FSTL1: variants seen among roughly 807,000 people sequenced by gnomAD.
The protein encoded by FSTL1 is follistatin-related protein 1.
FSTL1 carries 24 observed loss-of-function variants against 45.9 expected under a neutral mutation model. The ratio of observed to expected loss-of-function variants is 0.52; its 90% confidence interval spans 0.38 to 0.74. FSTL1 has a LOEUF of 0.74. FSTL1 is among the 30% of genes least tolerant of loss of function. FSTL1 has a pLI of 0.00. For missense variants in FSTL1, 340 were observed against 381.8 expected (o/e 0.89, Z 0.91); for synonymous variants, 120 against 137.6 (o/e 0.87, Z 0.89).
chr3:120,416,072 C>A, intron 2 of FSTL1, 45 bp from the exon 3 acceptor site: 1 of 1,324,770 alleles, frequency 7.5e-7, no homozygotes, highest in Non-Finnish European at 1.1e-6. Flanking sequence ...TGAGATGAAC[C>A]CATTATGGAA....
At chr3:120,428,487 C>T (rs1278373809) in intron 2 of FSTL1, among the ~76,000 whole-genome samples, 3 of 152,148 alleles carry the variant, frequency 2.0e-5, no homozygotes, top group African/African-American at 7.2e-5. Context: ...AATCCCAGCC[C>T]TCTGGGAGGC....
intron 2 of FSTL1, among the ~76,000 whole-genome samples, chr3:120,439,502 G>C (rs874479): frequency 3.3e-5 from 5 of 152,074 alleles, no homozygotes; most frequent in African/African-American, 1.2e-4. Flanking sequence ...CAAAAACTTT[G>C]CAAGAGTCTA....
Position 120,416,001 on chromosome 3 carries a change from G to C in FSTL1, c.90C>G (p.Ile30Met), listed in dbSNP as rs144535310. 1.1e-5 allele frequency: 18 copies of C among 1,613,730 alleles called. No homozygotes were observed. The African/African-American group carries it at 1.7e-4, about 16-fold the overall frequency. Residue 30 changes from isoleucine to methionine, a missense_variant, in exon 3 of 11, where the codon ATC (isoleucine) becomes ATG (methionine). By Grantham distance (10) the Ile-to-Met change is conservative (BLOSUM62 1). Transcript: ENST00000295633. ...AEEELRSKSKICANVFCGAGR... is the reference protein window; with the variant it reads ...AEEELRSKSKMCANVFCGAGR... ...CGGCTCCACAAAACACATTGGCACA[G>C]ATCTTGGATTTGCTCCTTAGCTCTT...
intron 2 of FSTL1, chr3:120,423,249 C>T (rs1265914026): frequency 6.6e-6 from 1 of 151,944 alleles, no homozygotes; most frequent in African/African-American, 2.4e-5. Context: ...ACACGGAAGC[C>T]TCTCTCCTTC....
chr3:120,424,000 G>A (rs1413980805), intron 2 of FSTL1: 1 of 152,234 alleles, frequency 6.6e-6, no homozygotes, highest in African/African-American at 2.4e-5. Context: ...AATGTAGAGA[G>A]TATAAATCCT....
chr3:120,399,754 A>G (rs768872911), intron 10 of FSTL1, 129 bp downstream of exon 10: 62 of 641,454 alleles, frequency 9.7e-5, no homozygotes, highest in Non-Finnish European at 1.5e-4. Context: ...GTGATGGGGT[A>G]TCACTCAAGA....
intron 2 of FSTL1, among the ~76,000 whole-genome samples, chr3:120,436,353 T>C (rs1520881): frequency 0.58 from 88,483 of 152,038 alleles, 28,844 homozygotes; most frequent in East Asian, 0.75. Flanking sequence ...ACTCAAAACA[T>C]TTCCCAGTCC....
At chr3:120,429,829 C>T (rs1017720845) in intron 2 of FSTL1, among the ~76,000 whole-genome samples, 4 of 152,208 alleles carry the variant, frequency 2.6e-5, no homozygotes, top group African/African-American at 9.6e-5. Context: ...ATCCTTCCAA[C>T]TACTCCTCTA....
At chr3:120,397,131 C>T (rs1295799283) in intron 10 of FSTL1, 135 bp from the exon 11 acceptor site, 1 of 755,038 alleles carries the variant, frequency 1.3e-6, no homozygotes, top group African/African-American at 1.7e-5. Flanking sequence ...TCGGGCTCCT[C>T]CACGGACAAT....
At chr3:120,415,490 T>C (rs1937171762) in intron 3 of FSTL1, among the ~76,000 whole-genome samples, 1 of 152,170 alleles carries the variant, frequency 6.6e-6, no homozygotes, top group African/African-American at 2.4e-5. Context: ...ATGATCCCAT[T>C]TTTGCATAAA....
chr3:120,442,494 G>C (rs916085480), intron 2 of FSTL1, among the ~76,000 whole-genome samples: 6 of 152,194 alleles, frequency 3.9e-5, no homozygotes, highest in African/African-American at 1.4e-4. Flanking sequence ...AAAAGACAGA[G>C]TTAGGCCTGG....
At chr3:120,412,289 A>G (rs1450967592) in intron 3 of FSTL1, among the ~76,000 whole-genome samples, 1 of 152,254 alleles carries the variant, frequency 6.6e-6, no homozygotes, top group Non-Finnish European at 1.5e-5. Context: ...TTGATACTTA[A>G]TCCACAATGC....
intron 2 of FSTL1, among the ~76,000 whole-genome samples, chr3:120,427,024 C>T (rs1937394811): frequency 6.6e-6 from 1 of 152,176 alleles, no homozygotes; most frequent in Non-Finnish European, 1.5e-5. Flanking sequence ...GAAATGAGAA[C>T]TCATTAGCCT....
At chr3:120,404,677 G>A (rs1936911822) in intron 7 of FSTL1, among the ~76,000 whole-genome samples, 176 bp downstream of exon 7, 1 of 152,144 alleles carries the variant, frequency 6.6e-6, no homozygotes, top group African/African-American at 2.4e-5. Context: ...GATATCAGTG[G>A]TACTCAATAT....
At chr3:120,424,888 A>ACAT (rs1298629323) in intron 2 of FSTL1, among the ~76,000 whole-genome samples, 4 of 152,054 alleles carry the variant, frequency 2.6e-5, no homozygotes, top group Non-Finnish European at 5.9e-5. Context: ...GGACAGTGAA[A>ACAT]CATCCCACCG....
intron 7 of FSTL1, among the ~76,000 whole-genome samples, chr3:120,403,917 T>G (rs1576208250): frequency 3.3e-5 from 1 of 30,512 alleles, no homozygotes; most frequent in Non-Finnish European, 5.8e-5. Flanking sequence ...CGAGACTCCG[T>G]CTCAAAAAAA....
intron 9 of FSTL1, among the ~76,000 whole-genome samples, chr3:120,400,261 C>G (rs755768391): frequency 2.0e-5 from 3 of 152,178 alleles, no homozygotes; most frequent in Non-Finnish European, 2.9e-5. Flanking sequence ...AACTTGGATC[C>G]TGACACTGGA....
At chr3:120,414,006 C>T (rs1937131091) in intron 3 of FSTL1, among the ~76,000 whole-genome samples, 2 of 151,926 alleles carry the variant, frequency 1.3e-5, no homozygotes, top group African/African-American at 4.8e-5. Context: ...CGGTCTCCAG[C>T]CCCTAACCGC....
intron 10 of FSTL1, 101 bp from the exon 11 acceptor site, chr3:120,397,097 T>G (rs1936717747): frequency 5.2e-6 from 5 of 969,122 alleles, no homozygotes; most frequent in Non-Finnish European, 1.7e-6. Context: ...TACAAGCTTA[T>G]GCTGAATTTT....
Sources: allele counts gnomAD v4.1 joint callset (sites outside exome capture counted in the v4.1 genomes callset), GRCh38; gene constraint gnomAD v4.1.1; transcripts MANE v1.5; gene names NCBI Gene and HGNC (gene_info 2026-07-23, HGNC 2026-07-21).